AK4: variants seen among roughly 807,000 people sequenced by gnomAD.
AK4 encodes the protein adenylate kinase 4, mitochondrial.
A neutral mutation model predicts 24.6 loss-of-function variants in AK4; 13 were observed. That is an observed-to-expected ratio of 0.53 (90% confidence interval 0.34 to 0.84). AK4 has a LOEUF of 0.84. Among genes scored for constraint, AK4 ranks in the 40% least tolerant of loss-of-function variants. The pLI is 0.01. For missense variants in AK4, 192 were observed against 288.2 expected (o/e 0.67, Z 2.42); for synonymous variants, 88 against 107.0 (o/e 0.82, Z 1.10).
chr1:65,212,706 G>A (rs1181856656), intron 2 of AK4, among the ~76,000 whole-genome samples: 1 of 152,014 alleles, frequency 6.6e-6, no homozygotes, highest in East Asian at 1.9e-4. Flanking sequence ...CCAGGCTGGA[G>A]GATTCTTTTT....
rs1175132872 is a variant in AK4, at chr1:65,148,557, G to C, written c.145+5G>C. The C allele has an allele frequency of 6.3e-7, 1 of 1,596,892 alleles. No individual in the cohort carries two copies. Among genetic ancestry groups the C allele is most frequent in the Non-Finnish European group, 8.5e-7 (1 of 1,172,144 alleles). The stretch of plus-strand genomic sequence containing the variant: ...AGAACATCAAGGCCAGCACCGGTGA[G>C]GGGCTGCGGGGACGAGGGCCGGGGG... On this transcript the variant is annotated splice_donor_5th_base_variant and intron_variant, in intron 1 of 4. Coordinates refer to ENST00000327299, the MANE Select transcript of AK4 (RefSeq NM_013410.4).
chr1:65,197,650 T>G (rs867791799), intron 2 of AK4, among the ~76,000 whole-genome samples: 2 of 152,230 alleles, frequency 1.3e-5, no homozygotes, highest in Non-Finnish European at 2.9e-5. Context: ...ATTTCAGACT[T>G]GAGATGTTCC....
intron 1 of AK4, among the ~76,000 whole-genome samples, chr1:65,180,815 T>C (rs1650878917): frequency 6.6e-6 from 1 of 152,142 alleles, no homozygotes; most frequent in African/African-American, 2.4e-5. Flanking sequence ...TGTGCGCAGG[T>C]GCGCACACAC....
In AK4 at chr1:65,148,515, C is replaced by T. The variant is rs751506926; in HGVS notation, c.108C>T (p.Ser36=). The T allele has an allele frequency of 1.3e-5, 20 of 1,598,874 alleles. No homozygotes were observed. Among genetic ancestry groups the T allele is most frequent in the Admixed American group, 1.7e-5 (1 of 58,142 alleles). ...ACTTTGGTCTCCAGCATCTCTCCAGCGGCCACTTCTTGCGGGAGAACATCA... is the reference window on the plus strand; with the variant it reads ...ACTTTGGTCTCCAGCATCTCTCCAGTGGCCACTTCTTGCGGGAGAACATCA... ...AQNFGLQHLS[S]GHFLRENIKA... The change falls in exon 1 of 5, where the codon AGC becomes AGT. Residue 36 remains serine, a synonymous_variant. Transcript: ENST00000327299.
chr1:65,187,058 T>C (rs1209054426), intron 1 of AK4, among the ~76,000 whole-genome samples: 1 of 151,990 alleles, frequency 6.6e-6, no homozygotes, highest in African/African-American at 2.4e-5. Flanking sequence ...ATGATTCCAT[T>C]TATAAGAAGT....
chr1:65,148,551 C>T lies in AK4; in HGVS notation c.144C>T (p.Thr48=), dbSNP rs1649647622. Residue 48 remains threonine (T), a splice_region_variant and synonymous_variant, in exon 1 of 5, where the codon ACC becomes ACT. Coordinates refer to ENST00000327299, the MANE Select transcript of AK4 (RefSeq NM_013410.4). ...TGCGGGAGAACATCAAGGCCAGCACCGGTGAGGGGCTGCGGGGACGAGGGC... is the reference window on the plus strand; with the variant it reads ...TGCGGGAGAACATCAAGGCCAGCACTGGTGAGGGGCTGCGGGGACGAGGGC... ...HFLRENIKAS[T]EVGEMAKQYI... 2 of 1,599,198 alleles carry T rather than the reference C, an allele frequency of 1.3e-6. No individual in the cohort carries two copies. Among genetic ancestry groups the T allele is most frequent in the South Asian group, 1.1e-5 (1 of 88,854 alleles).
At chr1:65,205,244 T>C (rs1435404101) in intron 2 of AK4, among the ~76,000 whole-genome samples, 1 of 152,222 alleles carries the variant, frequency 6.6e-6, no homozygotes, top group Non-Finnish European at 1.5e-5. Flanking sequence ...ATTTTATTTT[T>C]ATTTGTTAAA....
rs141000847 is a variant in AK4 at position 65,229,938 on chromosome 1, C to T, written c.*3761C>T. 2.0e-5 allele frequency: 3 copies of T among 152,418 alleles called. No individual in the cohort carries two copies. Among genetic ancestry groups the T allele is most frequent in the African/African-American group, 7.2e-5 (3 of 41,584 alleles). 9.4% of individuals were successfully genotyped at this position (152,418 alleles called of 1,614,324 possible). ...AGGCCTTGATGATAAACTAATCCTTCCTAAAATGCTGGTAGGTAAACAAGC... is the reference window on the plus strand; with the variant it reads ...AGGCCTTGATGATAAACTAATCCTTTCTAAAATGCTGGTAGGTAAACAAGC... On this transcript the variant is annotated 3_prime_UTR_variant, in exon 5 of 5. Transcript: ENST00000327299.
chr1:65,181,291 T>G (rs1650896855), intron 1 of AK4, among the ~76,000 whole-genome samples: 1 of 151,978 alleles, frequency 6.6e-6, no homozygotes, highest in Non-Finnish European at 1.5e-5. Flanking sequence ...TTCTCTTGCT[T>G]TACCATATAC....
chr1:65,175,642 G>A (rs1347287583), intron 1 of AK4, among the ~76,000 whole-genome samples: 1 of 152,158 alleles, frequency 6.6e-6, no homozygotes, highest in African/African-American at 2.4e-5. Context: ...CTGTTCTATG[G>A]TTTTTACAGA....
chr1:65,209,508 T>A (rs929735998), intron 2 of AK4, among the ~76,000 whole-genome samples: 14 of 152,356 alleles, frequency 9.2e-5, no homozygotes, highest in East Asian at 5.8e-4. Flanking sequence ...TGGTCAGTGA[T>A]CCCTGCCGAC....
Position 65,190,780 on chromosome 1 carries a change from A to G in AK4, c.216A>G (p.Leu72=), listed in dbSNP as rs1419793220. ...TTCCAGACCATGTGATCACACGCCTAATGATGTCCGAGTTGGAGAACAGGC... is the reference window on the plus strand; with the variant it reads ...TTCCAGACCATGTGATCACACGCCTGATGATGTCCGAGTTGGAGAACAGGC... ...LLVPDHVITR[L]MMSELENRRG... The change falls in exon 2 of 5, where the codon CTA becomes CTG. Residue 72 remains leucine (L), a synonymous_variant. Transcript: ENST00000327299. The G allele has an allele frequency of 1.9e-6, 3 of 1,614,134 alleles. No individual in the cohort carries two copies. In the East Asian group the frequency reaches 6.7e-5, roughly 36 times the overall value.
chr1:65,191,261 A>G (rs960381470), intron 2 of AK4, among the ~76,000 whole-genome samples: 6 of 152,234 alleles, frequency 3.9e-5, no homozygotes, highest in Non-Finnish European at 8.8e-5. Flanking sequence ...TTGAAAGTAT[A>G]AAATGAGCAA....
At chr1:65,197,436 C>T (rs1476910779) in intron 2 of AK4, among the ~76,000 whole-genome samples, 2 of 152,140 alleles carry the variant, frequency 1.3e-5, no homozygotes, top group African/African-American at 2.4e-5. Flanking sequence ...GTAATTTAAT[C>T]CTTTTCATTG....
rs2101106523 is a variant in AK4 at position 65,230,304 on chromosome 1, T to A, written c.*4127T>A. On this transcript the variant is annotated 3_prime_UTR_variant, in exon 5 of 5. Transcript: ENST00000327299. ...GTGGTTTTTCCTGCTATTTAAGATGTTGAGACCGGATAACTTTAGAAAGAT... is the reference window on the plus strand; with the variant it reads ...GTGGTTTTTCCTGCTATTTAAGATGATGAGACCGGATAACTTTAGAAAGAT... 1 of 152,316 alleles carries A rather than the reference T, an allele frequency of 6.6e-6. No homozygotes were observed. Among genetic ancestry groups the A allele is most frequent in the South Asian group, 2.1e-4 (1 of 4,826 alleles). The allele number at this position is 152,316 out of a possible 1,614,324, so 9.4% of individuals were successfully genotyped here.
chr1:65,206,359 C>T (rs1651811597), intron 2 of AK4, among the ~76,000 whole-genome samples: 1 of 152,274 alleles, frequency 6.6e-6, no homozygotes, highest in East Asian at 1.9e-4. Flanking sequence ...AAAATATGGG[C>T]CTATGGTGAA....
upstream of AK4, chr1:65,148,170 TGGA>T (rs2100968924): frequency 1.3e-6 from 1 of 787,412 alleles, no homozygotes; most frequent in Non-Finnish European, 1.8e-6. Flanking sequence ...GGCGAGGAGG[TGGA>T]GAAGGGCGGG....
At chr1:65,190,853 C>T (rs372965063) in intron 2 of AK4, 24 bp downstream of exon 2, 9 of 1,610,712 alleles carry the variant, frequency 5.6e-6, no homozygotes, top group African/African-American at 2.7e-5. Context: ...GTGGGTAAAC[C>T]GAATTTCTGG....
At chr1:65,208,105 C>T (rs1005852409) in intron 2 of AK4, among the ~76,000 whole-genome samples, 11 of 152,170 alleles carry the variant, frequency 7.2e-5, no homozygotes, top group African/African-American at 2.7e-4. Context: ...TGGGAAATCT[C>T]CACAGTGCTT....
Sources: allele counts gnomAD v4.1 joint callset (sites outside exome capture counted in the v4.1 genomes callset), GRCh38; gene constraint gnomAD v4.1.1; transcripts MANE v1.5; gene names NCBI Gene and HGNC (gene_info 2026-07-23, HGNC 2026-07-21).